EYA4: variants seen among roughly 807,000 people sequenced by gnomAD.
EYA4 encodes EYA transcriptional coactivator and phosphatase 4.
Under a neutral mutation model 87.9 loss-of-function variants are expected in EYA4, and 31 were observed. The ratio of observed to expected loss-of-function variants is 0.35; its 90% CI spans 0.27 to 0.48. The LOEUF is 0.48. EYA4 is among the 20% of genes least tolerant of loss of function. The pLI is 0.99. For synonymous variants in EYA4, 263 were observed against 270.6 expected (o/e 0.97, Z 0.28); for missense variants, 678 against 761.4 (o/e 0.89, Z 1.29).
At position 133,274,731 on chromosome 6, in the gene EYA4, T is replaced by G; in HGVS notation, c.-50T>G. The G allele has an allele frequency of 6.5e-7, 1 of 1,542,508 alleles. No individual in the cohort carries two copies. Among genetic ancestry groups the G allele is most frequent in the South Asian group, 1.1e-5 (1 of 89,392 alleles). ...CTTGTTTTAGATAGTCATTTTTACT[T>G]GAAGGAAGCTGCTTCTACTTGGGAG... is the stretch of plus-strand genomic sequence containing the variant. On this transcript the variant is annotated 5_prime_UTR_variant, in exon 2 of 20. Transcript: ENST00000355286.
At chr6:133,462,208 T>C (rs1180922072) in intron 7 of EYA4, 127 bp from the exon 8 acceptor site, 1 of 1,125,288 alleles carries the variant, frequency 8.9e-7, no homozygotes, top group African/African-American at 1.5e-5. Context: ...TTTTCCTATA[T>C]TGTTAAAATT....
chr6:133,279,018 A>G (rs1038708958), intron 2 of EYA4, among the ~76,000 whole-genome samples: 1 of 152,076 alleles, frequency 6.6e-6, no homozygotes, highest in African/African-American at 2.4e-5. Flanking sequence ...TATTATTTTT[A>G]TAGCTTCTAT....
chr6:133,472,427 G>C (rs1301486615), intron 11 of EYA4, among the ~76,000 whole-genome samples: 1 of 95,642 alleles, frequency 1.0e-5, no homozygotes, highest in African/African-American at 5.2e-5. Flanking sequence ...TTAATCCTGA[G>C]TTCTAGTTTG....
chr6:133,432,514 A>G (rs1180068035), intron 3 of EYA4, among the ~76,000 whole-genome samples: 1 of 147,922 alleles, frequency 6.8e-6, no homozygotes, highest in Non-Finnish European at 1.5e-5. Flanking sequence ...CATGGAGACT[A>G]TCATGTTATA....
chr6:133,485,136 T>C (rs1796577522), intron 13 of EYA4, among the ~76,000 whole-genome samples: 1 of 152,234 alleles, frequency 6.6e-6, no homozygotes, highest in African/African-American at 2.4e-5. Flanking sequence ...CTCTCAGCAC[T>C]GCTGCGTCAT....
In EYA4 at chr6:133,294,059, AT is replaced by A. The variant is rs1562257712; in HGVS notation, c.33+19247del. Among the ~76,000 whole-genome samples, 38 of 105,096 alleles carry A rather than the reference AT, an allele frequency of 3.6e-4. 4 individuals are homozygous for A. The highest frequency in any genetic ancestry group is 4.8e-4 in the Non-Finnish European group (25 of 51,654). 68.9% of individuals were successfully genotyped at this position (105,096 alleles called of 152,430 possible). A position where few individuals can be genotyped will look rare whatever the true frequency, so the allele number is the denominator to read the frequency against. On this transcript the variant is annotated intron_variant, in intron 2 of 19. Transcript: ENST00000355286. ...TATATATATATATATATATATATAT[AT>A]ATAATTCTATTCTATATATAACATT...
At chr6:133,395,230 G>T (rs1291619077) in intron 3 of EYA4, among the ~76,000 whole-genome samples, 2 of 88,034 alleles carry the variant, frequency 2.3e-5, no homozygotes, top group Non-Finnish European at 2.7e-5. Context: ...ATCACTTAGG[G>T]ATTTTTTTTT....
At chr6:133,288,284 C>A (rs1778229112) in intron 2 of EYA4, among the ~76,000 whole-genome samples, 1 of 152,068 alleles carries the variant, frequency 6.6e-6, no homozygotes, top group Non-Finnish European at 1.5e-5. Context: ...CTTTGACAAC[C>A]CCTGGCCTAA....
chr6:133,483,183 G>A (rs1233788561), intron 13 of EYA4, 68 bp downstream of exon 13: 3 of 1,205,354 alleles, frequency 2.5e-6, no homozygotes, highest in Non-Finnish European at 3.7e-6. Flanking sequence ...AAAATCAAGG[G>A]CTATTTAAAA....
intron 2 of EYA4, among the ~76,000 whole-genome samples, chr6:133,313,691 T>A (rs1053699360): frequency 6.6e-6 from 1 of 152,206 alleles, no homozygotes; most frequent in African/African-American, 2.4e-5. Flanking sequence ...AAATATATTT[T>A]ATAACTCTGT....
At chr6:133,476,062 T>G (rs2128694024) in intron 11 of EYA4, among the ~76,000 whole-genome samples, 1 of 152,226 alleles carries the variant, frequency 6.6e-6, no homozygotes, top group African/African-American at 2.4e-5. Context: ...GGTGCAGTGA[T>G]GGGCACCCGT....
chr6:133,260,967 A>G (rs1775756233), intron 1 of EYA4, among the ~76,000 whole-genome samples: 1 of 152,232 alleles, frequency 6.6e-6, no homozygotes, highest in South Asian at 2.1e-4. Context: ...ATGTAAACGT[A>G]CCTTTTCCTC....
chr6:133,293,532 A>G (rs1182143057), intron 2 of EYA4, among the ~76,000 whole-genome samples: 1 of 152,198 alleles, frequency 6.6e-6, no homozygotes, highest in African/African-American at 2.4e-5. Flanking sequence ...ATTACCATAT[A>G]ACCTGTCATA....
At position 133,463,963 on chromosome 6, in the gene EYA4, T is replaced by C. The variant is rs144464761; in HGVS notation, c.725-816T>C. Among the ~76,000 whole-genome samples the C allele has an allele frequency of 3.7e-3, 455 of 122,698 alleles. 3 individuals carry two copies. Among genetic ancestry groups the C allele is most frequent in the African/African-American group, 0.013 (441 of 33,236 alleles). The allele number at this position is 122,698 out of a possible 152,430, so 80.5% of individuals were successfully genotyped here. On this transcript the variant is annotated intron_variant, in intron 9 of 19. Transcript: ENST00000355286. ...TCAGTTAGCCATGTGACAGACAGTATTTTTTTTTTTTTCACGAATACTTTC... is the reference window on the plus strand; with the variant it reads ...TCAGTTAGCCATGTGACAGACAGTACTTTTTTTTTTTTCACGAATACTTTC...
chr6:133,446,174 T>C (rs1792814604), intron 3 of EYA4, among the ~76,000 whole-genome samples: 1 of 152,086 alleles, frequency 6.6e-6, no homozygotes, highest in South Asian at 2.1e-4. Flanking sequence ...TTTTCAGCTC[T>C]CTAGTGTGTA....
At chr6:133,462,530 G>A in intron 8 of EYA4, 53 bp downstream of exon 8, 1 of 1,612,672 alleles carries the variant, frequency 6.2e-7, no homozygotes, top group Non-Finnish European at 8.5e-7. Flanking sequence ...AATCCTGCTG[G>A]CTGGTAGCTT....
At chr6:133,477,574 A>G (rs1795850439) in intron 11 of EYA4, among the ~76,000 whole-genome samples, 1 of 151,774 alleles carries the variant, frequency 6.6e-6, no homozygotes, top group South Asian at 2.1e-4. Flanking sequence ...TTGTTATATG[A>G]CTCTTTTATA....
intron 2 of EYA4, chr6:133,325,401 T>A (rs1781425165): frequency 6.6e-6 from 1 of 152,088 alleles, no homozygotes. Context: ...AGGACCTATA[T>A]CATCTTGTGG....
chr6:133,300,659 C>T (rs1465729787), intron 2 of EYA4, among the ~76,000 whole-genome samples: 1 of 152,032 alleles, frequency 6.6e-6, no homozygotes, highest in Non-Finnish European at 1.5e-5. Flanking sequence ...GGACTACAGG[C>T]GTGTGCTACC....
Sources: allele counts gnomAD v4.1 joint callset (sites outside exome capture counted in the v4.1 genomes callset), GRCh38; gene constraint gnomAD v4.1.1; transcripts MANE v1.5; gene names NCBI Gene and HGNC (gene_info 2026-07-23, HGNC 2026-07-21).